Variants in CDC5L observed in about 807,000 individuals in gnomAD.
CDC5L encodes the protein cell division cycle 5-like protein.
A neutral mutation model predicts 104.1 loss-of-function variants in CDC5L; 18 were observed. That is an observed-to-expected ratio of 0.17 (90% CI 0.12 to 0.26). CDC5L has a LOEUF of 0.26. Among genes scored for constraint, CDC5L ranks in the 10% least tolerant of loss-of-function variants. The pLI is 1.00. For synonymous variants in CDC5L, 331 were observed against 322.7 expected, an observed-to-expected ratio of 1.03 and a Z score of -0.28; for missense variants, 673 against 956.9, an observed-to-expected ratio of 0.70 and a Z score of 3.91.
intron 8 of CDC5L, among the ~76,000 whole-genome samples, chr6:44,411,635 A>AGTGTGTGT (rs372072520): frequency 3.0e-4 from 36 of 121,390 alleles, no homozygotes; most frequent in African/African-American, 5.1e-4. Context: ...AGAGAGAGAG[A>AGTGTGTGT]GAGTGTGTGT....
chr6:44,433,672 A>G (rs1792791043), intron 14 of CDC5L, among the ~76,000 whole-genome samples: 1 of 152,198 alleles, frequency 6.6e-6, no homozygotes, highest in Non-Finnish European at 1.5e-5. Context: ...GTCAAGAAAT[A>G]TTATATAACA....
At chr6:44,399,125 AT>A (rs1395661842) in intron 5 of CDC5L, among the ~76,000 whole-genome samples, 1 of 152,024 alleles carries the variant, frequency 6.6e-6, no homozygotes, top group African/African-American at 2.4e-5. Context: ...CCTAATTAAA[AT>A]TTTTTTTGTT....
intron 5 of CDC5L, 146 bp downstream of exon 5, chr6:44,396,586 G>T (rs1790881030): frequency 3.5e-6 from 2 of 579,334 alleles, no homozygotes; most frequent in Admixed American, 3.1e-5. Flanking sequence ...GTGGATAGCT[G>T]GGTGTCCTCT....
chr6:44,399,955 AT>A (rs1012152909), intron 5 of CDC5L, among the ~76,000 whole-genome samples: 7 of 150,514 alleles, frequency 4.7e-5, no homozygotes, highest in African/African-American at 1.2e-4. Context: ...TGGCTACTTT[AT>A]TTTTTTTTAA....
chr6:44,427,497 C>G (rs1188258360), intron 13 of CDC5L, among the ~76,000 whole-genome samples: 1 of 152,312 alleles, frequency 6.6e-6, no homozygotes, highest in Middle Eastern at 3.4e-3. Flanking sequence ...ACAAACTCTC[C>G]TGTCTTCTCT....
intron 15 of CDC5L, 146 bp downstream of exon 15, chr6:44,446,013 T>A: frequency 1.5e-6 from 1 of 657,348 alleles, no homozygotes; most frequent in Non-Finnish European, 2.6e-6. Flanking sequence ...TTTGACTTTC[T>A]AATCTAGAAT....
In CDC5L at chr6:44,450,250, T is replaced by A. The variant is rs1377612101; in HGVS notation, c.*3539T>A. The A allele has an allele frequency of 6.6e-6, 1 of 152,218 alleles. No individual in the cohort carries two copies. The highest frequency in any genetic ancestry group is 1.5e-5 in the Non-Finnish European group (1 of 68,036). The allele number at this position is 152,218 out of a possible 1,614,324, so 9.4% of individuals were successfully genotyped here. ...TATCTTTTTCTGTGCATTAAGCAGT[T>A]ATAACATGGGAATGATTTGTTCATG... On this transcript the variant is annotated 3_prime_UTR_variant, in exon 16 of 16. Coordinates refer to ENST00000371477, the MANE Select transcript of CDC5L (RefSeq NM_001253.4).
Position 44,445,660 on chromosome 6 carries a change from C to T in CDC5L, c.2097C>T (p.Asn699=), listed in dbSNP as rs1793417293. Reference sequence around the variant, plus strand: ...GATCTTCCCCTGCTCTCCAGATAAACAGGGGTCACATGACGACAGAAGCCA... The same window carrying T: ...GATCTTCCCCTGCTCTCCAGATAAATAGGGGTCACATGACGACAGAAGCCA... ...IESLEKRLEI[N]RGHMTTEAKR... Residue 699 remains asparagine, a synonymous_variant, in exon 15 of 16, where the codon AAC becomes AAT. Transcript: ENST00000371477. The T allele has an allele frequency of 1.9e-6, 3 of 1,612,414 alleles. No homozygotes were observed. The East Asian group carries it at 6.7e-5, about 36-fold the overall frequency.
intron 14 of CDC5L, among the ~76,000 whole-genome samples, chr6:44,443,479 G>GTTGTTCTCCA (rs1443699349): frequency 6.6e-6 from 1 of 151,730 alleles, no homozygotes; most frequent in Admixed American, 6.6e-5. Context: ...TAATGCATAA[G>GTTGTTCTCCA]TTGTTCTCCA....
intron 9 of CDC5L, 83 bp from the exon 10 acceptor site, chr6:44,422,564 G>T: frequency 1.1e-6 from 1 of 871,978 alleles, no homozygotes. Flanking sequence ...TATTTCCTGT[G>T]AAATAATTTA....
chr6:44,445,926 G>A, intron 15 of CDC5L, 59 bp downstream of exon 15: 3 of 1,321,594 alleles, frequency 2.3e-6, no homozygotes, highest in South Asian at 1.2e-5. Flanking sequence ...TATCAGGGCT[G>A]TCCTCTTTTA....
intron 3 of CDC5L, 87 bp downstream of exon 3, chr6:44,392,915 C>T: frequency 8.1e-7 from 1 of 1,232,138 alleles, no homozygotes; most frequent in Non-Finnish European, 1.1e-6. Context: ...TGTCTTTAAA[C>T]TTTTAATTAT....
intron 14 of CDC5L, among the ~76,000 whole-genome samples, chr6:44,433,151 T>G (rs1404351022): frequency 6.6e-6 from 1 of 152,222 alleles, no homozygotes; most frequent in South Asian, 2.1e-4. Flanking sequence ...TACTTTTATT[T>G]ATTCACACAT....
Position 44,410,100 on chromosome 6 carries a change from C to T in CDC5L, c.1092+1468C>T, listed in dbSNP as rs183587937. Among the ~76,000 whole-genome samples, 9 of 152,074 alleles carry T rather than the reference C, an allele frequency of 5.9e-5. No individual in the cohort carries two copies. The East Asian group carries it at 1.5e-3, about 26-fold the overall frequency. On this transcript the variant is annotated intron_variant, in intron 8 of 15. Transcript: ENST00000371477. ...TGTGGTAAGAACACTTAAAATCTAC[C>T]CTTAGCAATGTTCAAATGTACAGTG...
chr6:44,439,103 A>G (rs1793066255), intron 14 of CDC5L, among the ~76,000 whole-genome samples: 1 of 152,204 alleles, frequency 6.6e-6, no homozygotes, highest in Non-Finnish European at 1.5e-5. Flanking sequence ...AAGTGGAATC[A>G]TGTAATATGT....
intron 6 of CDC5L, 152 bp downstream of exon 6, chr6:44,404,179 G>A (rs1021054937): frequency 1.0e-5 from 5 of 483,898 alleles, no homozygotes; most frequent in Non-Finnish European, 1.4e-5. Flanking sequence ...GGGTCTTGCT[G>A]TGTTGCCCAG....
At chr6:44,398,522 C>T (rs1317677340) in intron 5 of CDC5L, among the ~76,000 whole-genome samples, 1 of 152,156 alleles carries the variant, frequency 6.6e-6, no homozygotes, top group East Asian at 1.9e-4. Flanking sequence ...GCTGGAATGG[C>T]CTCTATGCAA....
chr6:44,440,492 C>T (rs568757063), intron 14 of CDC5L, among the ~76,000 whole-genome samples: 70 of 152,108 alleles, frequency 4.6e-4, no homozygotes, highest in Admixed American at 2.0e-3. Context: ...ATCTGCCCAC[C>T]GTGGCCTTCC....
In CDC5L at chr6:44,447,067, A is replaced by G. The variant is rs1040459299; in HGVS notation, c.*356A>G. 2 of 159,646 alleles carry G rather than the reference A, an allele frequency of 1.3e-5. No homozygotes were observed. Among genetic ancestry groups the G allele is most frequent in the African/African-American group, 4.8e-5 (2 of 41,632 alleles). 9.9% of individuals were successfully genotyped at this position (159,646 alleles called of 1,614,324 possible). On this transcript the variant is annotated 3_prime_UTR_variant, in exon 16 of 16. Coordinates refer to ENST00000371477, the MANE Select transcript of CDC5L (RefSeq NM_001253.4). ...GAGAATGTAGCCTTTTGTTTGAAGTAATTAGATACTTAAGAGTGCCTGCAA... is the reference window on the plus strand; with the variant it reads ...GAGAATGTAGCCTTTTGTTTGAAGTGATTAGATACTTAAGAGTGCCTGCAA...
Sources: gnomAD v4.1 joint callset for allele counts (sites outside exome capture counted in the v4.1 genomes callset) on GRCh38, gnomAD v4.1.1 for gene constraint, MANE v1.5 for transcripts, NCBI Gene and HGNC (gene_info 2026-07-23, HGNC 2026-07-21) for gene names.